The following HAT1 variants were observed in gnomAD, a reference collection of about 807,000 sequenced individuals.
The protein encoded by HAT1 is histone acetyltransferase 1.
Under a neutral mutation model 56.6 loss-of-function variants are expected in HAT1, and 20 were observed. The observed-to-expected ratio is 0.35, with a 90% confidence interval of 0.25 to 0.51. HAT1 has a LOEUF of 0.51. Ranked by LOEUF, HAT1 falls within the 20% of genes least tolerant of loss-of-function variation. The probability of loss-of-function intolerance (pLI) is 0.95; values close to 1 mark genes in which losing one functional copy is unlikely to be tolerated. For missense variants in HAT1, 408 were observed against 504.3 expected (o/e 0.81, Z 1.83); for synonymous variants, 146 against 165.5 (o/e 0.88, Z 0.91).
chr2:171,923,386 T>TCCC (rs761995808), intron 1 of HAT1: 1 of 152,092 alleles, frequency 6.6e-6, no homozygotes, highest in Non-Finnish European at 1.5e-5. Context: ...TGCCTCAGCC[T>TCCC]CCCGAGTAGC....
chr2:171,961,864 T>G (rs776121504), intron 4 of HAT1, among the ~76,000 whole-genome samples: 1 of 150,590 alleles, frequency 6.6e-6, no homozygotes, highest in Non-Finnish European at 1.5e-5. Flanking sequence ...TTGAGAACAT[T>G]AAGTAGATAC....
chr2:171,947,431 T>A (rs922491955), intron 3 of HAT1, among the ~76,000 whole-genome samples: 5 of 151,908 alleles, frequency 3.3e-5, no homozygotes, highest in Admixed American at 6.6e-5. Context: ...TTTTAAAAAA[T>A]TTTTTGTAGA....
chr2:171,980,932 G>A (rs549592175), intron 10 of HAT1: 1 of 151,710 alleles, frequency 6.6e-6, no homozygotes, highest in South Asian at 2.1e-4. Flanking sequence ...CAATTTGGGA[G>A]GCTGAGGCGG....
At chr2:171,956,121 A>C (rs1383663211) in intron 4 of HAT1, among the ~76,000 whole-genome samples, 1 of 148,064 alleles carries the variant, frequency 6.8e-6, no homozygotes, top group Non-Finnish European at 1.5e-5. Context: ...GGCTACAGTA[A>C]GGTAAGTATG....
intron 2 of HAT1, among the ~76,000 whole-genome samples, chr2:171,939,340 T>G (rs1686960675): frequency 6.6e-6 from 1 of 152,218 alleles, no homozygotes. Context: ...TACTTCTGCT[T>G]TGGCTTTGAA....
At chr2:171,925,968 G>A (rs886299486) in intron 2 of HAT1, among the ~76,000 whole-genome samples, 2 of 152,156 alleles carry the variant, frequency 1.3e-5, no homozygotes, top group African/African-American at 4.8e-5. Flanking sequence ...TGGTGAGGAT[G>A]TGGAAAAAAA....
chr2:171,931,258 G>A (rs1574034179), intron 2 of HAT1, among the ~76,000 whole-genome samples: 1 of 152,036 alleles, frequency 6.6e-6, no homozygotes, highest in Non-Finnish European at 1.5e-5. Flanking sequence ...AGGCATGATG[G>A]TGTGCATCTG....
intron 2 of HAT1, among the ~76,000 whole-genome samples, chr2:171,938,029 T>TCTCTCC (rs2105310611): frequency 1.9e-5 from 1 of 53,848 alleles, no homozygotes; most frequent in East Asian, 3.4e-4. Context: ...ACTGATTCTC[T>TCTCTCC]CTCTCTCTCT....
intron 2 of HAT1, among the ~76,000 whole-genome samples, chr2:171,933,251 G>A (rs961855876): frequency 6.6e-6 from 1 of 152,044 alleles, no homozygotes; most frequent in African/African-American, 2.4e-5. Flanking sequence ...TAGAGATGGA[G>A]TCTCACTGTG....
At chr2:171,950,099 CT>C (rs910735728) in intron 3 of HAT1, among the ~76,000 whole-genome samples, 3 of 152,078 alleles carry the variant, frequency 2.0e-5, no homozygotes, top group African/African-American at 4.8e-5. Context: ...CCCTTCATGT[CT>C]TTTTTCCCCC....
chr2:171,979,401 C>A, intron 10 of HAT1, 38 bp downstream of exon 10: 1 of 978,980 alleles, frequency 1.0e-6, no homozygotes, highest in Non-Finnish European at 1.7e-6. Context: ...GTATTCTTTT[C>A]ACTGTTTAAA....
chr2:171,959,131 G>C (rs940874365), intron 4 of HAT1, among the ~76,000 whole-genome samples: 7 of 152,170 alleles, frequency 4.6e-5, no homozygotes, highest in African/African-American at 1.2e-4. Context: ...AGATACAAAA[G>C]TGATTCTGAG....
chr2:171,981,835 A>G (rs1688139403), intron 10 of HAT1, among the ~76,000 whole-genome samples: 1 of 152,208 alleles, frequency 6.6e-6, no homozygotes. Context: ...AACATCAGAA[A>G]ATGGGTAAAA....
chr2:171,938,851 G>A (rs1351401551), intron 2 of HAT1, among the ~76,000 whole-genome samples: 2 of 151,608 alleles, frequency 1.3e-5, no homozygotes, highest in Admixed American at 6.6e-5. Flanking sequence ...AGTGATTCTC[G>A]TGCCTCAGCC....
intron 9 of HAT1, among the ~76,000 whole-genome samples, chr2:171,977,933 A>G (rs1266169123): frequency 6.6e-6 from 1 of 152,022 alleles, no homozygotes; most frequent in Non-Finnish European, 1.5e-5. Context: ...TCCCTGCCCA[A>G]ATAAATACAT....
chr2:171,965,883 G>A lies in HAT1; in HGVS notation c.586G>A (p.Asp196Asn), dbSNP rs1687672177. 1.9e-6 allele frequency: 3 copies of A among 1,613,054 alleles called. No individual in the cohort carries two copies. The highest frequency in any genetic ancestry group is 2.5e-6 in the Non-Finnish European group (3 of 1,179,120). The part of the protein sequence containing the change: ...IETASFIDVD[D>N]ERWHYFLVFE... The stretch of plus-strand genomic sequence containing the variant: ...AACTGCTAGCTTTATTGACGTGGAT[G>A]ATGAAAGATGGCACTACTTTCTAGT... The change falls in exon 6 of 11, where the codon GAT (aspartate) becomes AAT (asparagine). Residue 196 changes from aspartate to asparagine, a missense_variant. Coordinates refer to ENST00000264108, the MANE Select transcript of HAT1 (RefSeq NM_003642.4).
intron 10 of HAT1, among the ~76,000 whole-genome samples, chr2:171,981,744 A>C (rs966633653): frequency 1.3e-5 from 2 of 152,224 alleles, no homozygotes; most frequent in African/African-American, 2.4e-5. Context: ...ATCTGCATAT[A>C]GCAGGTTTGT....
intron 8 of HAT1, among the ~76,000 whole-genome samples, 200 bp downstream of exon 8, chr2:171,967,149 A>C (rs1451243264): frequency 6.6e-6 from 1 of 152,210 alleles, no homozygotes; most frequent in Non-Finnish European, 1.5e-5. Context: ...TGTGAAGTGC[A>C]TAATGGAACA....
In HAT1 at chr2:171,958,979, A is replaced by G. The variant is rs143820960; in HGVS notation, c.309+5978A>G. 2.6e-3 allele frequency among the ~76,000 whole-genome samples: 396 copies of G among 152,218 alleles called. 3 individuals carry two copies. The highest frequency in any genetic ancestry group is 9.1e-3 in the African/African-American group (380 of 41,538). ...TAGTATTAGAAATATTTTGAGTTCT[A>G]TTTGGTTTTTTTGTGTGTTTTTCCC... On this transcript the variant is annotated intron_variant, in intron 4 of 10. Coordinates refer to ENST00000264108, the MANE Select transcript of HAT1 (RefSeq NM_003642.4).
Sources: allele counts gnomAD v4.1 joint callset (sites outside exome capture counted in the v4.1 genomes callset), GRCh38; gene constraint gnomAD v4.1.1; transcripts MANE v1.5; gene names NCBI Gene and HGNC (gene_info 2026-07-23, HGNC 2026-07-21).